The following LDHC variants were observed in gnomAD, a reference collection of about 807,000 sequenced individuals.
LDHC encodes L-lactate dehydrogenase C chain.
Under a neutral mutation model 30.2 loss-of-function variants are expected in LDHC, and 20 were observed. That is an observed-to-expected ratio of 0.66 (90% confidence interval 0.47 to 0.96). LDHC has a LOEUF of 0.96. Among genes scored for constraint, LDHC ranks in the 40% least tolerant of loss-of-function variants. The pLI is 0.00. For synonymous variants in LDHC, 139 were observed against 132.7 expected, an observed-to-expected ratio of 1.05 and a Z score of -0.32; for missense variants, 362 against 394.9, an observed-to-expected ratio of 0.92 and a Z score of 0.71.
At chr11:18,430,685 A>G (rs577599524) in intron 4 of LDHC, among the ~76,000 whole-genome samples, 1 of 152,214 alleles carries the variant, frequency 6.6e-6, no homozygotes, top group East Asian at 1.9e-4. Context: ...TTAAAATGCT[A>G]TTTTGTTTAT....
chr11:18,413,694 C>G (rs113490159), intron 2 of LDHC, among the ~76,000 whole-genome samples: 20,600 of 151,922 alleles, frequency 0.14, 1,486 homozygotes, highest in Middle Eastern at 0.2. Flanking sequence ...ATTTCTTGAC[C>G]TCGTGATCCG....
chr11:18,449,428 T>TAAAAAAAAAAAA (rs557136321), intron 7 of LDHC, among the ~76,000 whole-genome samples: 16 of 48,452 alleles, frequency 3.3e-4, no homozygotes, highest in African/African-American at 8.3e-4. Context: ...CACTGTCTCC[T>TAAAAAAAAAAAA]AAAAAAAAAA....
intron 4 of LDHC, among the ~76,000 whole-genome samples, chr11:18,432,962 T>A (rs1848294846): frequency 1.3e-5 from 2 of 152,242 alleles, no homozygotes; most frequent in African/African-American, 4.8e-5. Context: ...AGTGTTAGTA[T>A]TGAAATGCAA....
Position 18,451,946 on chromosome 11 carries a change from A to G in LDHC, c.*819A>G, listed in dbSNP as rs1228600483. 1.3e-5 allele frequency: 2 copies of G among 149,390 alleles called. No homozygotes were observed. Among genetic ancestry groups the G allele is most frequent in the Non-Finnish European group, 3.0e-5 (2 of 67,708 alleles). 9.3% of individuals were successfully genotyped at this position (149,390 alleles called of 1,614,324 possible). A position where few individuals can be genotyped will look rare whatever the true frequency, so the allele number is the denominator to read the frequency against. The stretch of plus-strand genomic sequence containing the variant: ...AAGACTCAGACTCAAAAGAAGAAGA[A>G]GAACACAGAAGAAAAGCAGAAACAA... On this transcript the variant is annotated 3_prime_UTR_variant, in exon 8 of 8. Transcript: ENST00000541669.
chr11:18,443,476 T>TC (rs1848501217), intron 6 of LDHC, among the ~76,000 whole-genome samples: 1 of 151,008 alleles, frequency 6.6e-6, no homozygotes, highest in Non-Finnish European at 1.5e-5. Flanking sequence ...TTTTTTTTTT[T>TC]TGAGACACAG....
intron 4 of LDHC, among the ~76,000 whole-genome samples, chr11:18,431,828 G>A (rs781277933): frequency 1.3e-5 from 2 of 152,166 alleles, no homozygotes; most frequent in Non-Finnish European, 2.9e-5. Context: ...GGGATTACAG[G>A]TGTGAGCCAC....
chr11:18,434,914 G>A lies in LDHC; in HGVS notation c.592+1G>A. 1 of 1,604,826 alleles carries A rather than the reference G, an allele frequency of 6.2e-7. No individual in the cohort carries two copies. ...ATTGGAGAACATGGTGATTCTAGTG[G>A]TAAGTATAAATCTATTATTATTACG... On this transcript the variant is annotated splice_donor_variant, in intron 5 of 7. Coordinates refer to ENST00000541669, the MANE Select transcript of LDHC (RefSeq NM_017448.5). LOFTEE classifies it high-confidence loss of function.
At position 18,451,361 on chromosome 11, in the gene LDHC, C is replaced by T. The variant is rs1326105677; in HGVS notation, c.*234C>T. 1.4e-5 allele frequency: 4 copies of T among 280,322 alleles called. No homozygotes were observed. The East Asian group carries it at 2.2e-4, about 15-fold the overall frequency. 17.4% of individuals were successfully genotyped at this position (280,322 alleles called of 1,614,324 possible). A position where few individuals can be genotyped will look rare whatever the true frequency, so the allele number is the denominator to read the frequency against. On this transcript the variant is annotated 3_prime_UTR_variant, in exon 8 of 8. Coordinates refer to ENST00000541669, the MANE Select transcript of LDHC (RefSeq NM_017448.5). ...CCAATCTGTACAGGTGTAAGTTATA[C>T]TTCTGAGGTATGTCACATATGTTAG...
intron 3 of LDHC, among the ~76,000 whole-genome samples, chr11:18,424,999 T>TCAAAA (rs944713351): frequency 6.6e-6 from 1 of 152,128 alleles, no homozygotes; most frequent in African/African-American, 2.4e-5. Context: ...TAGAGCCATC[T>TCAAAA]CAAAACAAAA....
intron 5 of LDHC, among the ~76,000 whole-genome samples, chr11:18,437,067 T>G (rs577427155): frequency 6.6e-6 from 1 of 152,306 alleles, no homozygotes; most frequent in African/African-American, 2.4e-5. Context: ...CCTGTTGGTG[T>G]TGTTTATATG....
chr11:18,436,481 G>GTTTTTT (rs35976847), intron 5 of LDHC, among the ~76,000 whole-genome samples: 8 of 108,184 alleles, frequency 7.4e-5, no homozygotes, highest in African/African-American at 1.8e-4. Flanking sequence ...ATAATACAAA[G>GTTTTTT]TTTTTTTTTT....
intron 2 of LDHC, among the ~76,000 whole-genome samples, chr11:18,413,459 CTTTTTTTTTTTTT>C (rs34176196): frequency 1.3e-5 from 1 of 77,086 alleles, no homozygotes; most frequent in Admixed American, 1.6e-4. Context: ...ATTGTTCTCT[CTTTTTTTTTTTTT>C]TTTTTTTTTG....
At chr11:18,435,053 A>T in intron 5 of LDHC, 140 bp downstream of exon 5, 1 of 522,554 alleles carries the variant, frequency 1.9e-6, no homozygotes, top group Non-Finnish European at 3.3e-6. Context: ...AACTTTTACT[A>T]TTCCTTTAGT....
At chr11:18,423,782 C>T (rs1326777279) in intron 3 of LDHC, among the ~76,000 whole-genome samples, 2 of 151,898 alleles carry the variant, frequency 1.3e-5, no homozygotes, top group African/African-American at 2.4e-5. Flanking sequence ...AAGATATTTG[C>T]AGTGTTAACA....
intron 6 of LDHC, among the ~76,000 whole-genome samples, chr11:18,444,835 A>G (rs776538341): frequency 4.0e-5 from 6 of 151,702 alleles, no homozygotes; most frequent in Admixed American, 3.3e-4. Flanking sequence ...TTGACTGTCA[A>G]TCCAAACCTG....
Position 18,412,754 on chromosome 11 carries a change from A to C in LDHC, c.37A>C (p.Ile13Leu), listed in dbSNP as rs73436621. 4,824 of 1,613,990 alleles carry C rather than the reference A, an allele frequency of 3.0e-3. 132 individuals carry two copies. In the African/African-American group the frequency reaches 0.058, roughly 19 times the overall value. Residue 13 changes from isoleucine to leucine, a missense_variant, in exon 2 of 8, where the codon ATT becomes CTT. Physicochemically the swap from Ile to Leu is conservative, Grantham distance 5. Coordinates refer to ENST00000541669, the MANE Select transcript of LDHC (RefSeq NM_017448.5). ...CAAGGAGCAGCTAATTGAGAAGCTAATTGAGGATGATGAAAACTCCCAGTG... is the reference window on the plus strand; with the variant it reads ...CAAGGAGCAGCTAATTGAGAAGCTACTTGAGGATGATGAAAACTCCCAGTG... ...TVKEQLIEKLIEDDENSQCKI... is the reference protein window; with the variant it reads ...TVKEQLIEKLLEDDENSQCKI...
intron 4 of LDHC, among the ~76,000 whole-genome samples, chr11:18,430,952 C>T (rs958170371): frequency 6.6e-6 from 1 of 151,866 alleles, no homozygotes; most frequent in Non-Finnish European, 1.5e-5. Context: ...TCGCTTGAGC[C>T]TAGGAGTTTG....
At chr11:18,436,097 A>T (rs1370161681) in intron 5 of LDHC, among the ~76,000 whole-genome samples, 1 of 152,206 alleles carries the variant, frequency 6.6e-6, no homozygotes, top group African/African-American at 2.4e-5. Context: ...CCATAATATA[A>T]CAAATACTTT....
chr11:18,420,058 A>C (rs572260972), intron 3 of LDHC, among the ~76,000 whole-genome samples: 1 of 152,188 alleles, frequency 6.6e-6, no homozygotes, highest in Non-Finnish European at 1.5e-5. Context: ...ACCACTCCAC[A>C]CTCCAGCCTG....
Sources: gnomAD v4.1 joint callset for allele counts (sites outside exome capture counted in the v4.1 genomes callset) on GRCh38, gnomAD v4.1.1 for gene constraint, MANE v1.5 for transcripts, NCBI Gene and HGNC (gene_info 2026-07-23, HGNC 2026-07-21) for gene names.